Variants in TOX observed in about 807,000 individuals in gnomAD.
TOX encodes the protein thymocyte selection associated high mobility group box.
A neutral mutation model predicts 53.7 loss-of-function variants in TOX; 11 were observed. That is an observed-to-expected ratio of 0.20 (90% CI 0.13 to 0.34). TOX has a LOEUF of 0.34. Ranked by LOEUF, TOX falls within the 10% of genes least tolerant of loss-of-function variation. The pLI is 1.00. For synonymous variants in TOX, 225 were observed against 245.3 expected (o/e 0.92, Z 0.77); for missense variants, 570 against 664.6 (o/e 0.86, Z 1.56).
At chr8:58,974,779 C>T (rs1334858277) in intron 1 of TOX, among the ~76,000 whole-genome samples, 1 of 152,110 alleles carries the variant, frequency 6.6e-6, no homozygotes, top group Non-Finnish European at 1.5e-5. Flanking sequence ...AGTTAGGATT[C>T]TATTTATCCT....
chr8:59,045,231 TTTC>T, intron 1 of TOX, among the ~76,000 whole-genome samples: 1 of 152,350 alleles, frequency 6.6e-6, no homozygotes, highest in East Asian at 1.9e-4. Context: ...ACATCACATT[TTTC>T]TTATTATTTA....
intron 3 of TOX, among the ~76,000 whole-genome samples, chr8:58,891,176 G>T (rs34237246): frequency 6.6e-6 from 1 of 152,040 alleles, no homozygotes; most frequent in Non-Finnish European, 1.5e-5. Flanking sequence ...TAGGAACAGC[G>T]CTGAGTTGTC....
chr8:58,991,813 C>T (rs1256194334), intron 1 of TOX: 1 of 152,376 alleles, frequency 6.6e-6, no homozygotes, highest in Non-Finnish European at 1.5e-5. Flanking sequence ...GTTGATGTTA[C>T]AAACACTTGT....
chr8:58,881,704 A>G (rs2129170949), intron 3 of TOX, among the ~76,000 whole-genome samples: 1 of 142,724 alleles, frequency 7.0e-6, no homozygotes, highest in Admixed American at 7.3e-5. Context: ...AGTTTGGGAG[A>G]CAGAGTGAGA....
intron 2 of TOX, among the ~76,000 whole-genome samples, chr8:58,953,659 T>A (rs1007467309): frequency 6.6e-6 from 1 of 152,208 alleles, no homozygotes; most frequent in Non-Finnish European, 1.5e-5. Flanking sequence ...CTTGTTAAGA[T>A]GCCAGACTTT....
chr8:59,093,115 G>A (rs1010501256), intron 1 of TOX, among the ~76,000 whole-genome samples: 1 of 152,208 alleles, frequency 6.6e-6, no homozygotes, highest in Non-Finnish European at 1.5e-5. Context: ...CAGGGACACA[G>A]GATGGGGTCA....
intron 3 of TOX, among the ~76,000 whole-genome samples, chr8:58,864,347 C>G (rs939757334): frequency 3.9e-5 from 6 of 152,026 alleles, no homozygotes; most frequent in African/African-American, 1.5e-4. Context: ...AGTTTCAAGA[C>G]TATATGTCAG....
intron 1 of TOX, among the ~76,000 whole-genome samples, chr8:59,098,766 T>G (rs1305331036): frequency 6.6e-6 from 1 of 152,240 alleles, no homozygotes; most frequent in Non-Finnish European, 1.5e-5. Flanking sequence ...CCTGTCCTCC[T>G]GTAGCATCCT....
At chr8:59,028,119 T>G (rs959378251) in intron 1 of TOX, among the ~76,000 whole-genome samples, 1 of 152,196 alleles carries the variant, frequency 6.6e-6, no homozygotes, top group African/African-American at 2.4e-5. Flanking sequence ...AGCAGTGAGC[T>G]CCCCTTAATA....
At chr8:59,111,515 C>A (rs935834470) in intron 1 of TOX, among the ~76,000 whole-genome samples, 1 of 152,024 alleles carries the variant, frequency 6.6e-6, no homozygotes, top group Admixed American at 6.6e-5. Context: ...CAGAAATATT[C>A]CAGAACCATG....
chr8:58,863,612 G>T (rs1026406896), intron 3 of TOX, among the ~76,000 whole-genome samples: 3 of 152,162 alleles, frequency 2.0e-5, no homozygotes, highest in Admixed American at 1.3e-4. Flanking sequence ...ATGATCTGAT[G>T]ATGTTTTTAG....
intron 1 of TOX, among the ~76,000 whole-genome samples, chr8:59,075,466 C>T (rs1192619134): frequency 6.6e-6 from 1 of 152,118 alleles, no homozygotes; most frequent in Non-Finnish European, 1.5e-5. Context: ...AAAGCTTCCT[C>T]CGTGCAGCTC....
intron 1 of TOX, among the ~76,000 whole-genome samples, chr8:59,027,160 C>G (rs1454593912): frequency 1.3e-5 from 2 of 152,168 alleles, no homozygotes; most frequent in Non-Finnish European, 2.9e-5. Flanking sequence ...TGGTTTAATG[C>G]TAAAGTTATG....
rs11433613 is a variant in TOX, at chr8:59,092,319, A to ATTATATATATAATATATTATATATACAT, written c.102+26566_102+26567insATGTATATATAATATATTATATATATAA. On this transcript the variant is annotated intron_variant, in intron 1 of 8. Transcript: ENST00000361421. ...TATATATATTATATATTATATATAC[A>ATTATATATATAATATATTATATATACAT]TATATATATTATATATTATATATAC... Among the ~76,000 whole-genome samples, 2 of 87,814 alleles carry ATTATATATATAATATATTATATATACAT rather than the reference A, an allele frequency of 2.3e-5. 1 individual carries two copies. Among genetic ancestry groups the ATTATATATATAATATATTATATATACAT allele is most frequent in the African/African-American group, 3.5e-4 (2 of 5,726 alleles). The allele number at this position is 87,814 out of a possible 152,430, so 57.6% of individuals were successfully genotyped here. A position where few individuals can be genotyped will look rare whatever the true frequency, so the allele number is the denominator to read the frequency against.
intron 1 of TOX, among the ~76,000 whole-genome samples, chr8:59,091,703 T>C (rs1310759955): frequency 6.6e-6 from 1 of 152,100 alleles, no homozygotes; most frequent in Non-Finnish European, 1.5e-5. Context: ...TCAATAAGTA[T>C]TTGTATCATG....
chr8:58,985,811 T>C (rs931607597), intron 1 of TOX, among the ~76,000 whole-genome samples: 1 of 152,090 alleles, frequency 6.6e-6, no homozygotes, highest in African/African-American at 2.4e-5. Context: ...TGGTTAATGG[T>C]GTCCTAATGT....
Position 59,070,003 on chromosome 8 carries a change from A to G in TOX, c.102+48883T>C, listed in dbSNP as rs571896928. Among the ~76,000 whole-genome samples, 410 of 152,224 alleles carry G rather than the reference A, an allele frequency of 2.7e-3. 4 individuals carry two copies. Among genetic ancestry groups the G allele is most frequent in the Non-Finnish European group, 2.7e-3 (181 of 68,018 alleles). ...GGAAAGCGATGAAGACAGAAGAGAA[A>G]CCTCAAGGGCAACATGGTTTTAAGC... On this transcript the variant is annotated intron_variant, in intron 1 of 8. Coordinates refer to ENST00000361421, the MANE Select transcript of TOX (RefSeq NM_014729.3).
chr8:58,980,128 T>C (rs1199339522), intron 1 of TOX, among the ~76,000 whole-genome samples: 1 of 152,208 alleles, frequency 6.6e-6, no homozygotes, highest in Non-Finnish European at 1.5e-5. Flanking sequence ...AATACAGCTG[T>C]TACATTTTAA....
chr8:59,021,485 T>A (rs868492051), intron 1 of TOX, among the ~76,000 whole-genome samples: 1,099 of 103,372 alleles, frequency 0.011, 31 homozygotes, highest in African/African-American at 0.036. Context: ...AAAAAAAATA[T>A]ATATATATAT....
Sources: gnomAD v4.1 joint callset for allele counts (sites outside exome capture counted in the v4.1 genomes callset) on GRCh38, gnomAD v4.1.1 for gene constraint, MANE v1.5 for transcripts, NCBI Gene and HGNC (gene_info 2026-07-23, HGNC 2026-07-21) for gene names.